Variants in RASGEF1B observed in about 807,000 individuals in gnomAD.
RASGEF1B encodes RasGEF domain family member 1B.
A neutral mutation model predicts 65.7 loss-of-function variants in RASGEF1B; 30 were observed. The ratio of observed to expected loss-of-function variants is 0.46; its 90% CI spans 0.34 to 0.62. The LOEUF (loss-of-function observed/expected upper bound fraction) is 0.62. Ranked by LOEUF, RASGEF1B falls within the 20% of genes least tolerant of loss-of-function variation. The pLI is 0.01. For synonymous variants in RASGEF1B, 175 were observed against 194.8 expected (o/e 0.90, Z 0.85); for missense variants, 495 against 580.1 (o/e 0.85, Z 1.51).
chr4:81,443,551 TC>T (rs774713641), intron 8 of RASGEF1B, among the ~76,000 whole-genome samples: 2 of 152,238 alleles, frequency 1.3e-5, no homozygotes, highest in Admixed American at 6.5e-5. Context: ...CTTGTGTCTG[TC>T]TTATTTTGCA....
chr4:81,460,838 T>C lies in RASGEF1B; in HGVS notation c.-6-1324A>G, dbSNP rs183004057. On this transcript the variant is annotated intron_variant, in intron 1 of 13. Transcript: ENST00000264400. ...ACTTTGTCCCCTCCACAAACCAGTG[T>C]TGAGGGACAATTTAACGGGATCCAT... 3.5e-4 allele frequency among the ~76,000 whole-genome samples: 54 copies of C among 152,292 alleles called. 1 individual carries two copies. In the East Asian group the frequency reaches 9.1e-3, roughly 26 times the overall value.
At chr4:81,459,309 T>C (rs1243229587) in intron 2 of RASGEF1B, 23 bp downstream of exon 2, 1 of 1,541,666 alleles carries the variant, frequency 6.5e-7, no homozygotes, top group Admixed American at 2.0e-5. Context: ...AAGGATGTGT[T>C]TCAGAGAAAC....
At chr4:81,468,521 T>A (rs1457158428) in intron 1 of RASGEF1B, among the ~76,000 whole-genome samples, 1 of 152,158 alleles carries the variant, frequency 6.6e-6, no homozygotes. Flanking sequence ...GAAAAAATGA[T>A]TGTTGAAGAC....
At chr4:81,452,294 GA>G (rs1722287699) in intron 4 of RASGEF1B, 1 of 152,200 alleles carries the variant, frequency 6.6e-6, no homozygotes, top group South Asian at 2.1e-4. Flanking sequence ...ATCTTTGGTA[GA>G]AATGGGGTTT....
chr4:81,445,653 G>C, intron 7 of RASGEF1B, 25 bp from the exon 8 acceptor site: 1 of 1,589,564 alleles, frequency 6.3e-7, no homozygotes. Flanking sequence ...ACAATAGAGG[G>C]CAGTTATCCA....
At chr4:81,445,220 T>C (rs1287651438) in intron 8 of RASGEF1B, among the ~76,000 whole-genome samples, 1 of 152,366 alleles carries the variant, frequency 6.6e-6, no homozygotes, top group Non-Finnish European at 1.5e-5. Context: ...TAATACTTGA[T>C]ATGCAAGCTG....
At chr4:81,461,109 G>C (rs1222078011) in intron 1 of RASGEF1B, among the ~76,000 whole-genome samples, 1 of 152,168 alleles carries the variant, frequency 6.6e-6, no homozygotes, top group East Asian at 1.9e-4. Context: ...CATTTTATAA[G>C]GCAATAGACA....
At chr4:81,462,441 G>A (rs945961180) in intron 1 of RASGEF1B, among the ~76,000 whole-genome samples, 10 of 152,188 alleles carry the variant, frequency 6.6e-5, no homozygotes, top group African/African-American at 2.2e-4. Context: ...AAAATCAACT[G>A]TAAGAACAGA....
chr4:81,445,809 T>A lies in RASGEF1B; in HGVS notation c.759A>T (p.Arg253=), dbSNP rs755234960. The change falls in exon 7 of 14, where the codon CGA becomes CGT. Residue 253 remains arginine (R), a synonymous_variant. Transcript: ENST00000264400. ...KSCYSERKKT[R]NLEAYVEWFN... is the part of the protein sequence containing the mutation. The stretch of plus-strand genomic sequence containing the variant: ...ACCATTCCACGTAAGCTTCTAAGTT[T>A]CGTGTTTTCTTCCGTTCACTGTAGC... The A allele has an allele frequency of 6.2e-7, 1 of 1,614,112 alleles. No individual in the cohort carries two copies. The highest frequency in any genetic ancestry group is 2.2e-5 in the East Asian group (1 of 44,868).
intron 2 of RASGEF1B, among the ~76,000 whole-genome samples, chr4:81,458,716 C>T (rs1473702845): frequency 6.6e-6 from 1 of 152,158 alleles, no homozygotes; most frequent in African/African-American, 2.4e-5. Flanking sequence ...GGGAGTGGGA[C>T]CATCAGCAAA....
intron 10 of RASGEF1B, among the ~76,000 whole-genome samples, chr4:81,436,740 C>T (rs187881834): frequency 1.3e-5 from 2 of 152,278 alleles, no homozygotes; most frequent in Non-Finnish European, 2.9e-5. Context: ...AGAAAACATA[C>T]TTTTGGGCTC....
chr4:81,433,820 C>G lies in RASGEF1B; in HGVS notation c.1324+20G>C. The G allele has an allele frequency of 6.2e-7, 1 of 1,611,234 alleles. No individual in the cohort carries two copies. The highest frequency in any genetic ancestry group is 8.5e-7 in the Non-Finnish European group (1 of 1,178,904). The stretch of plus-strand genomic sequence containing the variant: ...AAGGATTTGGGGATGCTAGTGGTAG[C>G]TCCTATTGAATGGCCTTACCATCTT... On this transcript the variant is annotated intron_variant, in intron 12 of 13. Transcript: ENST00000264400.
chr4:81,461,645 G>A (rs2109994430), intron 1 of RASGEF1B, among the ~76,000 whole-genome samples: 1 of 152,288 alleles, frequency 6.6e-6, no homozygotes, highest in South Asian at 2.1e-4. Context: ...CTTTCCAACT[G>A]CAATCAATTA....
intron 2 of RASGEF1B, among the ~76,000 whole-genome samples, chr4:81,458,365 T>C (rs188533438): frequency 3.9e-5 from 6 of 152,292 alleles, no homozygotes; most frequent in Non-Finnish European, 7.4e-5. Context: ...AACACAGGGC[T>C]GAACAAGGGA....
At chr4:81,436,032 T>G (rs1721621333) in intron 10 of RASGEF1B, among the ~76,000 whole-genome samples, 1 of 152,032 alleles carries the variant, frequency 6.6e-6, no homozygotes, top group Non-Finnish European at 1.5e-5. Flanking sequence ...TCCTCTTATC[T>G]CAGCCTCCCA....
At chr4:81,448,668 C>T (rs887674453) in intron 4 of RASGEF1B, among the ~76,000 whole-genome samples, 2 of 152,180 alleles carry the variant, frequency 1.3e-5, no homozygotes, top group African/African-American at 4.8e-5. Flanking sequence ...ACATTGATCG[C>T]AAGTCAATGC....
chr4:81,470,309 C>T (rs1035883779), intron 1 of RASGEF1B, among the ~76,000 whole-genome samples: 40 of 152,180 alleles, frequency 2.6e-4, no homozygotes, highest in African/African-American at 8.9e-4. Flanking sequence ...CAGGTATATA[C>T]GCTGCTTAAC....
intron 12 of RASGEF1B, among the ~76,000 whole-genome samples, chr4:81,432,740 C>A (rs1445182826): frequency 6.6e-6 from 1 of 151,438 alleles, no homozygotes; most frequent in Non-Finnish European, 1.5e-5. Flanking sequence ...TTCCTTTTTT[C>A]TTTTTTTTAA....
At chr4:81,441,442 C>T (rs979208297) in intron 9 of RASGEF1B, among the ~76,000 whole-genome samples, 5 of 151,922 alleles carry the variant, frequency 3.3e-5, no homozygotes, top group African/African-American at 1.2e-4. Flanking sequence ...TGGGAGAGAA[C>T]ACTTTCTTAT....
Sources: allele counts gnomAD v4.1 joint callset (sites outside exome capture counted in the v4.1 genomes callset), GRCh38; gene constraint gnomAD v4.1.1; transcripts MANE v1.5; gene names NCBI Gene and HGNC (gene_info 2026-07-23, HGNC 2026-07-21).